The following GAREM1 variants were observed in gnomAD, a reference collection of about 807,000 sequenced individuals.
GAREM1 encodes the protein GRB2 associated regulator of MAPK1 subtype 1, also known as GRB2-associated and regulator of MAPK protein 1.
A neutral mutation model predicts 71.3 loss-of-function variants in GAREM1; 26 were observed. The ratio of observed to expected loss-of-function variants is 0.36; its 90% CI spans 0.27 to 0.51. The LOEUF (loss-of-function observed/expected upper bound fraction) is 0.51. GAREM1 is among the 20% of genes least tolerant of loss of function. The pLI, the probability that GAREM1 is intolerant of heterozygous loss-of-function variation, is 0.95. For missense variants in GAREM1, 1,026 were observed against 1,103.1 expected (o/e 0.93, Z 0.99); for synonymous variants, 440 against 433.2 (o/e 1.02, Z -0.20).
chr18:32,330,268 T>C (rs2047518730), intron 2 of GAREM1, among the ~76,000 whole-genome samples: 1 of 152,166 alleles, frequency 6.6e-6, no homozygotes, highest in Non-Finnish European at 1.5e-5. Flanking sequence ...GAAAACCAAA[T>C]GCTGTATGTT....
chr18:32,336,938 A>C (rs1196079086), intron 2 of GAREM1, among the ~76,000 whole-genome samples: 3 of 152,232 alleles, frequency 2.0e-5, no homozygotes, highest in Admixed American at 6.5e-5. Context: ...TCTGTAAAAC[A>C]GCACAATTCC....
chr18:32,465,163 A>C (rs902665549), intron 1 of GAREM1, among the ~76,000 whole-genome samples: 7 of 152,186 alleles, frequency 4.6e-5, no homozygotes, highest in Admixed American at 1.3e-4. Flanking sequence ...ACTCTCTTAA[A>C]ATACAGAATG....
intron 2 of GAREM1, among the ~76,000 whole-genome samples, chr18:32,321,939 G>T (rs1212248947): frequency 6.6e-6 from 1 of 152,154 alleles, no homozygotes; most frequent in Admixed American, 6.5e-5. Context: ...GGAACTATTG[G>T]TCATGAAGTG....
intron 1 of GAREM1, among the ~76,000 whole-genome samples, chr18:32,456,792 A>G (rs1275768266): frequency 6.6e-6 from 1 of 152,154 alleles, no homozygotes; most frequent in Non-Finnish European, 1.5e-5. Flanking sequence ...CAATAAAAGG[A>G]AACAAATTAA....
intron 1 of GAREM1, among the ~76,000 whole-genome samples, chr18:32,406,926 C>T (rs1395775442): frequency 6.6e-6 from 1 of 152,074 alleles, no homozygotes; most frequent in African/African-American, 2.4e-5. Flanking sequence ...AAGCTTCCTG[C>T]AAAGCATAGT....
intron 2 of GAREM1, among the ~76,000 whole-genome samples, chr18:32,383,492 A>G (rs780093573): frequency 2.0e-5 from 3 of 152,220 alleles, no homozygotes; most frequent in Non-Finnish European, 4.4e-5. Flanking sequence ...AAAAGCTCAA[A>G]GAAATTCCTA....
rs149948338 is a variant in GAREM1, at chr18:32,299,656, G to C, written c.393+10537C>G. On this transcript the variant is annotated intron_variant, in intron 3 of 5. Coordinates refer to ENST00000269209, the MANE Select transcript of GAREM1 (RefSeq NM_001242409.2). ...TCTCTGGAATATAGCCAAGAACAAGGCAGTGAGCTAACCAAAATGATGGGA... is the reference window on the plus strand; with the variant it reads ...TCTCTGGAATATAGCCAAGAACAAGCCAGTGAGCTAACCAAAATGATGGGA... 1.6e-3 allele frequency among the ~76,000 whole-genome samples: 250 copies of C among 152,010 alleles called. 4 individuals carry two copies. The highest frequency in any genetic ancestry group is 2.6e-3 in the Admixed American group (39 of 15,262).
chr18:32,393,851 T>C (rs543367141), intron 1 of GAREM1, among the ~76,000 whole-genome samples: 1 of 152,228 alleles, frequency 6.6e-6, no homozygotes, highest in Non-Finnish European at 1.5e-5. Flanking sequence ...GTTCCATTAA[T>C]CCTAGTTTAG....
intron 2 of GAREM1, among the ~76,000 whole-genome samples, chr18:32,371,214 C>T (rs1330321865): frequency 6.6e-6 from 1 of 152,052 alleles, no homozygotes; most frequent in Non-Finnish European, 1.5e-5. Context: ...CTGGCAGGAC[C>T]CAGGCCAGGG....
At chr18:32,349,236 C>A (rs1197117340) in intron 2 of GAREM1, among the ~76,000 whole-genome samples, 1 of 152,162 alleles carries the variant, frequency 6.6e-6, no homozygotes, top group African/African-American at 2.4e-5. Flanking sequence ...GTTAGAAGGA[C>A]TGAACTCTTC....
In GAREM1 at chr18:32,373,030, T is replaced by C. The variant is rs149827916; in HGVS notation, c.262+19865A>G. On this transcript the variant is annotated intron_variant, in intron 2 of 5. Coordinates refer to ENST00000269209, the MANE Select transcript of GAREM1 (RefSeq NM_001242409.2). ...TATCCTGGCAGACATCAGAGGAACA[T>C]GTTTGACAATGCTTTTCTGTATTAA... 7.2e-5 allele frequency among the ~76,000 whole-genome samples: 11 copies of C among 152,330 alleles called. 1 individual carries two copies. The highest frequency in any genetic ancestry group is 3.3e-4 in the Admixed American group (5 of 15,302).
intron 4 of GAREM1, among the ~76,000 whole-genome samples, chr18:32,272,492 T>C (rs2041476781): frequency 1.3e-5 from 2 of 152,172 alleles, no homozygotes; most frequent in African/African-American, 4.8e-5. Flanking sequence ...ACGCAGGCTT[T>C]CCCCTTGTGA....
chr18:32,352,837 G>A (rs1476926698), intron 2 of GAREM1, among the ~76,000 whole-genome samples: 1 of 152,170 alleles, frequency 6.6e-6, no homozygotes, highest in Non-Finnish European at 1.5e-5. Context: ...TTCAGAGTCT[G>A]TAGAAGAGGA....
chr18:32,461,352 T>G (rs1019518833), intron 1 of GAREM1, among the ~76,000 whole-genome samples: 1 of 151,634 alleles, frequency 6.6e-6, no homozygotes, highest in Non-Finnish European at 1.5e-5. Flanking sequence ...AAACTGGGAG[T>G]AGGGGTACAG....
chr18:32,316,743 C>T (rs1378696689), intron 2 of GAREM1, among the ~76,000 whole-genome samples: 1 of 152,160 alleles, frequency 6.6e-6, no homozygotes, highest in Admixed American at 6.5e-5. Context: ...CCACCGTATG[C>T]AGCCCTACTT....
chr18:32,320,604 A>T (rs950687562), intron 2 of GAREM1, among the ~76,000 whole-genome samples: 8 of 152,196 alleles, frequency 5.3e-5, no homozygotes, highest in African/African-American at 1.7e-4. Context: ...CACCATAGAT[A>T]ATCTGTGGTT....
chr18:32,352,591 G>T (rs533687412), intron 2 of GAREM1, among the ~76,000 whole-genome samples: 2 of 152,252 alleles, frequency 1.3e-5, no homozygotes, highest in South Asian at 4.2e-4. Context: ...AATGAATTGA[G>T]ATAAAGTGGA....
At position 32,275,916 on chromosome 18, in the gene GAREM1, T is replaced by C. The variant is rs1017717843; in HGVS notation, c.1567-5533A>G. ...TCTCAGACTCCTGACCTCAGGTGAT[T>C]CGCCCGCCTCGGCCTCCCAAAGTGC... On this transcript the variant is annotated intron_variant, in intron 4 of 5. Coordinates refer to ENST00000269209, the MANE Select transcript of GAREM1 (RefSeq NM_001242409.2). Among the ~76,000 whole-genome samples the C allele has an allele frequency of 8.9e-4, 136 of 152,308 alleles. 1 individual carries two copies. The highest frequency in any genetic ancestry group is 1.5e-3 in the East Asian group (8 of 5,176).
At chr18:32,409,458 A>T (rs1179604296) in intron 1 of GAREM1, among the ~76,000 whole-genome samples, 1 of 152,198 alleles carries the variant, frequency 6.6e-6, no homozygotes, top group Non-Finnish European at 1.5e-5. Flanking sequence ...TTTACTGTGA[A>T]ATCCCAGCAA....
Sources: gnomAD v4.1 joint callset for allele counts (sites outside exome capture counted in the v4.1 genomes callset) on GRCh38, gnomAD v4.1.1 for gene constraint, MANE v1.5 for transcripts, NCBI Gene and HGNC (gene_info 2026-07-23, HGNC 2026-07-21) for gene names.